The following IL3RA variants were observed in gnomAD, a reference collection of about 807,000 sequenced individuals.
IL3RA encodes the protein interleukin 3 receptor subunit alpha.
Under a neutral mutation model 52.3 loss-of-function variants are expected in IL3RA, and 73 were observed. The ratio of observed to expected loss-of-function variants is 1.40; its 90% CI spans 1.16 to 1.70. The LOEUF (loss-of-function observed/expected upper bound fraction) is 1.70, where lower values mean the gene tolerates loss of function less well. Among genes scored for constraint, IL3RA ranks in the 40% most tolerant of loss-of-function variants. The probability of loss-of-function intolerance (pLI) is 0.00; values close to 1 mark genes in which losing one functional copy is unlikely to be tolerated. For missense variants in IL3RA, 664 were observed against 504.4 expected, an observed-to-expected ratio of 1.32 and a Z score of -3.03; for synonymous variants, 260 against 194.0, an observed-to-expected ratio of 1.34 and a Z score of -2.83.
At chrX:1,365,547 G>A (rs2087920197) in intron 9 of IL3RA, among the ~76,000 whole-genome samples, 1 of 49,470 alleles carries the variant, frequency 2.0e-5, no homozygotes, top group Non-Finnish European at 3.3e-5. Context: ...CGGGGTGCGC[G>A]GGGTGAGCCG....
At chrX:1,363,299 CTTCTT>C (rs1569525553) in intron 8 of IL3RA, among the ~76,000 whole-genome samples, 1 of 141,968 alleles carries the variant, frequency 7.0e-6, no homozygotes. Context: ...ATGGTCTTTT[CTTCTT>C]TTTTTTTTTT....
intron 10 of IL3RA, 113 bp downstream of exon 10, chrX:1,378,877 C>T (rs1327733710): frequency 9.7e-7 from 1 of 1,028,136 alleles, no homozygotes; most frequent in Non-Finnish European, 1.5e-6. Context: ...GAGTCTCGCT[C>T]TGTCTCCCAG....
rs778940756 is a variant in IL3RA at position 1,352,200 on chromosome X, C to T, written c.399C>T (p.Asp133=). 16 of 1,613,756 alleles carry T rather than the reference C, an allele frequency of 9.9e-6. No individual in the cohort carries two copies. The South Asian group carries it at 1.4e-4, about 14-fold the overall frequency. ...CGGTAGGCCCGGGGGCCCCCGCGGA[C>T]GTCCAGTACGACCTGTACTTGAACG... The part of the protein sequence containing the change: ...SWAVGPGAPA[D]VQYDLYLNVA... Residue 133 remains aspartate (D), a synonymous_variant, in exon 5 of 12, where the codon GAC becomes GAT. Coordinates refer to ENST00000331035, the MANE Select transcript of IL3RA (RefSeq NM_002183.4).
intron 4 of IL3RA, 95 bp downstream of exon 4, chrX:1,348,640 T>TTTTC: frequency 1.4e-6 from 1 of 721,674 alleles, no homozygotes; most frequent in Non-Finnish European, 2.3e-6. Context: ...TTTCTTTTCT[T>TTTTC]TTTCTCTTTC....
chrX:1,358,450 G>A (rs188444321), intron 7 of IL3RA, among the ~76,000 whole-genome samples: 279 of 152,206 alleles, frequency 1.8e-3, no homozygotes, highest in Admixed American at 5.0e-3. Flanking sequence ...ATGAGGTCAA[G>A]AGATCAAGAC....
chrX:1,349,787 C>T (rs2085999655), intron 4 of IL3RA, among the ~76,000 whole-genome samples: 1 of 152,082 alleles, frequency 6.6e-6, no homozygotes, highest in South Asian at 2.1e-4. Context: ...CTCAGCCTCA[C>T]AAGTAGCTGG....
intron 6 of IL3RA, among the ~76,000 whole-genome samples, chrX:1,353,120 C>T (rs1428494815): frequency 7.2e-6 from 1 of 139,542 alleles, no homozygotes; most frequent in Non-Finnish European, 1.6e-5. Context: ...GGTCATGGGA[C>T]ACCCCCCATC....
At chrX:1,355,736 G>C (rs1267422588) in intron 6 of IL3RA, among the ~76,000 whole-genome samples, 1 of 151,938 alleles carries the variant, frequency 6.6e-6, no homozygotes, top group East Asian at 1.9e-4. Flanking sequence ...AAGTGTAGGA[G>C]TCTGCATCTT....
chrX:1,354,077 CCAT>C (rs1218326592), intron 6 of IL3RA, among the ~76,000 whole-genome samples: 3 of 149,744 alleles, frequency 2.0e-5, no homozygotes, highest in Non-Finnish European at 4.5e-5. Context: ...ATGGGAGCCC[CCAT>C]CATGAGTCAT....
intron 10 of IL3RA, 70 bp downstream of exon 10, chrX:1,378,834 A>G: frequency 7.6e-7 from 1 of 1,319,776 alleles, no homozygotes; most frequent in Non-Finnish European, 1.1e-6. Flanking sequence ...TCACAGAACC[A>G]TCCTGAGAAT....
intron 3 of IL3RA, among the ~76,000 whole-genome samples, chrX:1,347,906 G>A (rs17884223): frequency 0.33 from 49,300 of 150,138 alleles, 8,221 homozygotes; most frequent in Admixed American, 0.34. Context: ...GCGTGGTGGC[G>A]GGCGCCTGTA....
chrX:1,357,201 G>A (rs1199100634), intron 7 of IL3RA, among the ~76,000 whole-genome samples: 1 of 152,084 alleles, frequency 6.6e-6, no homozygotes, highest in South Asian at 2.1e-4. Flanking sequence ...TGATCCACCC[G>A]CCTCGGCCTC....
chrX:1,339,816 C>T (rs2085421240), intron 1 of IL3RA, among the ~76,000 whole-genome samples: 1 of 151,788 alleles, frequency 6.6e-6, no homozygotes, highest in Non-Finnish European at 1.5e-5. Context: ...CAAAACAAAA[C>T]AAAAAACCAG....
At chrX:1,364,490 TCAAAA>T (rs774580532) in intron 8 of IL3RA, among the ~76,000 whole-genome samples, 24 of 152,178 alleles carry the variant, frequency 1.6e-4, no homozygotes, top group African/African-American at 4.1e-4. Context: ...AAACTCTGTC[TCAAAA>T]CAAAACAAAA....
In IL3RA at chrX:1,348,508, C is replaced by T. The variant is rs752222459; in HGVS notation, c.261C>T (p.Asn87=). 10 of 1,613,710 alleles carry T rather than the reference C, an allele frequency of 6.2e-6. No homozygotes were observed. The highest frequency in any genetic ancestry group is 3.3e-5 in the South Asian group (3 of 91,074). ...CCAACTACACCGTCCGAGTGGCCAA[C>T]CCACCATTCTCCACGTGGATCCTCT... The part of the protein sequence containing the change: ...EVTNYTVRVA[N]PPFSTWILFP... Residue 87 remains asparagine, a synonymous_variant, in exon 4 of 12, where the codon AAC becomes AAT. Transcript: ENST00000331035.
chrX:1,352,071 C>A (rs749412432), intron 4 of IL3RA, 29 bp from the exon 5 acceptor site: 20 of 1,611,092 alleles, frequency 1.2e-5, no homozygotes, highest in Non-Finnish European at 1.7e-5. Context: ...GGTCCCGATT[C>A]GAGTTCTCTT....
rs1431379138 is a variant in IL3RA, at chrX:1,348,996, C to G, written c.298+451C>G. Among the ~76,000 whole-genome samples the G allele has an allele frequency of 2.0e-5, 3 of 149,436 alleles. No individual in the cohort carries two copies. The Admixed American group carries it at 2.0e-4, about 10-fold the overall frequency. The stretch of plus-strand genomic sequence containing the variant: ...CTCTCTTTCTCTCTTTCCCCCTCCC[C>G]TCCCTTCCCCTCCTCTCCCCTCTCC... On this transcript the variant is annotated intron_variant, in intron 4 of 11. Coordinates refer to ENST00000331035, the MANE Select transcript of IL3RA (RefSeq NM_002183.4).
intron 11 of IL3RA, among the ~76,000 whole-genome samples, chrX:1,382,080 T>C (rs1304903772): frequency 6.6e-6 from 1 of 151,734 alleles, no homozygotes; most frequent in African/African-American, 2.4e-5. Flanking sequence ...GCCTCCCAAG[T>C]AGCTGGGACT....
At chrX:1,345,692 G>T (rs1333673937) in intron 3 of IL3RA, among the ~76,000 whole-genome samples, 14 of 151,590 alleles carry the variant, frequency 9.2e-5, no homozygotes, top group Non-Finnish European at 1.5e-5. Context: ...GGGTTTCACT[G>T]TGTTAGCCAG....
Sources: allele counts gnomAD v4.1 joint callset (sites outside exome capture counted in the v4.1 genomes callset), GRCh38; gene constraint gnomAD v4.1.1; transcripts MANE v1.5; gene names NCBI Gene and HGNC (gene_info 2026-07-23, HGNC 2026-07-21).